Variants in SLC5A10 observed in about 807,000 individuals in gnomAD.
The protein encoded by SLC5A10 is solute carrier family 5 member 10, also known as sodium/mannose cotransporter SLC5A10.
Under a neutral mutation model 68.9 loss-of-function variants are expected in SLC5A10, and 55 were observed. That is an observed-to-expected ratio of 0.80 (90% confidence interval 0.64 to 1.00). SLC5A10 has a LOEUF of 1.00. Among genes scored for constraint, SLC5A10 ranks in the 50% least tolerant of loss-of-function variants. The probability of loss-of-function intolerance (pLI) is 0.00; values close to 1 mark genes in which losing one functional copy is unlikely to be tolerated. For synonymous variants in SLC5A10, 344 were observed against 344.8 expected, an observed-to-expected ratio of 1.00 and a Z score of 0.02; for missense variants, 732 against 819.3, an observed-to-expected ratio of 0.89 and a Z score of 1.30.
chr17:18,988,176 T>C lies in SLC5A10; in HGVS notation c.982+11187T>C, dbSNP rs1014640857. On this transcript the variant is annotated intron_variant, in intron 9 of 14. Coordinates refer to ENST00000395645, the MANE Select transcript of SLC5A10 (RefSeq NM_001042450.4). Reference sequence around the variant, plus strand: ...GACTCCGTCCAGAGCAGGCAGGTACTCGAAGTGTTTGTTGACAGACTGAAT... The same window carrying C: ...GACTCCGTCCAGAGCAGGCAGGTACCCGAAGTGTTTGTTGACAGACTGAAT... 3.8e-6 allele frequency: 6 copies of C among 1,565,014 alleles called. No homozygotes were observed. In the African/African-American group the frequency reaches 6.7e-5, roughly 18 times the overall value.
Position 18,996,275 on chromosome 17 carries a change from C to T in SLC5A10, c.983-17135C>T, listed in dbSNP as rs899241748. Among the ~76,000 whole-genome samples, 1 of 152,188 alleles carries T rather than the reference C, an allele frequency of 6.6e-6. No homozygotes were observed. The highest frequency in any genetic ancestry group is 2.1e-4 in the South Asian group (1 of 4,826). Reference sequence around the variant, plus strand: ...AGACCCGCACTCCCTCCTCCAGCTGCAACCCCCTCCTCCAGCAGCACGGTT... The same window carrying T: ...AGACCCGCACTCCCTCCTCCAGCTGTAACCCCCTCCTCCAGCAGCACGGTT... On this transcript the variant is annotated intron_variant, in intron 9 of 14. Transcript: ENST00000395645. The surrounding 1 kb of genome is among the most constrained non-coding windows in gnomAD (Gnocchi z 4.4).
At chr17:18,964,767 C>T (rs1481948167) in intron 5 of SLC5A10, among the ~76,000 whole-genome samples, 2 of 152,066 alleles carry the variant, frequency 1.3e-5, no homozygotes, top group East Asian at 1.9e-4. Context: ...TGACCAAGAG[C>T]GGAGAGGCAG....
Position 19,010,168 on chromosome 17 carries a change from C to T in SLC5A10, c.983-3242C>T, listed in dbSNP as rs548123777. ...AGAGCGTGGGCGGATTGGTGGGTTTCGAAGTTCCCTTTGCTTGCTTGCAGG... is the reference window on the plus strand; with the variant it reads ...AGAGCGTGGGCGGATTGGTGGGTTTTGAAGTTCCCTTTGCTTGCTTGCAGG... On this transcript the variant is annotated intron_variant, in intron 9 of 14. Transcript: ENST00000395645. 4.6e-5 allele frequency among the ~76,000 whole-genome samples: 7 copies of T among 151,928 alleles called. No individual in the cohort carries two copies. The South Asian group carries it at 8.3e-4, about 18-fold the overall frequency.
rs1292667177 is a variant in SLC5A10, at chr17:18,969,397, G to A, written c.615G>A (p.Val205=). Residue 205 remains valine, a synonymous_variant, in exon 7 of 15, where the codon GTG becomes GTA. Transcript: ENST00000395645. ...TDALQTLIMV[V]GAVILTIKAF... Reference sequence around the variant, plus strand: ...CCCTGCAGACGCTCATCATGGTGGTGGGGGCTGTCATCCTGACAATCAAAG... The same window carrying A: ...CCCTGCAGACGCTCATCATGGTGGTAGGGGCTGTCATCCTGACAATCAAAG... The A allele has an allele frequency of 6.2e-7, 1 of 1,613,794 alleles. No homozygotes were observed. The highest frequency in any genetic ancestry group is 1.1e-5 in the South Asian group (1 of 91,080).
intron 5 of SLC5A10, among the ~76,000 whole-genome samples, chr17:18,961,942 C>T (rs752133532): frequency 1.3e-5 from 2 of 152,338 alleles, no homozygotes; most frequent in African/African-American, 2.4e-5. Flanking sequence ...CCGCAGTCTT[C>T]GCCAGATGCC....
In SLC5A10 at chr17:19,013,424, G is replaced by T; in HGVS notation, c.997G>T (p.Val333Leu). Residue 333 changes from valine to leucine, a missense_variant, in exon 10 of 15, where the codon GTG becomes TTG. By Grantham distance (32) the Val-to-Leu change is conservative. Transcript: ENST00000395645. ...CTCTCGAACAGATGATGTGGGCTGC[G>T]TGGTGCCGTCCGAGTGCCTGCGGGC... ...RALFPDDVGC[V>L]VPSECLRACG... The T allele has an allele frequency of 1.2e-6, 2 of 1,607,030 alleles. No individual in the cohort carries two copies. The highest frequency in any genetic ancestry group is 1.7e-6 in the Non-Finnish European group (2 of 1,176,528).
chr17:18,988,604 T>C (rs926872540), intron 9 of SLC5A10, among the ~76,000 whole-genome samples: 54 of 152,228 alleles, frequency 3.5e-4, no homozygotes, highest in African/African-American at 1.3e-3. Context: ...GAAGTTCTAG[T>C]TGCAGTCCCA....
chr17:19,015,368 C>G (rs960767511), intron 11 of SLC5A10, among the ~76,000 whole-genome samples, 169 bp downstream of exon 11: 2 of 152,168 alleles, frequency 1.3e-5, no homozygotes, highest in Admixed American at 1.3e-4. Flanking sequence ...ACATTGCTCT[C>G]CTGTCCACCT....
rs1311372481 is a variant in SLC5A10 at position 19,017,939 on chromosome 17, T to C, written c.1242-1484T>C. ...TAAGAAAGCGAGGGCCTGGCTGGAG[T>C]GGCCCCAGCCCTGGCACAGAGATGC... On this transcript the variant is annotated intron_variant, in intron 11 of 14. Transcript: ENST00000395645. The surrounding 1 kb of genome is among the most constrained non-coding windows in gnomAD (Gnocchi z 5.6). The C allele has an allele frequency of 1.9e-5, 3 of 154,366 alleles. No homozygotes were observed. The highest frequency in any genetic ancestry group is 2.9e-5 in the Non-Finnish European group (2 of 69,796). 9.6% of individuals were successfully genotyped at this position (154,366 alleles called of 1,614,324 possible). A position where few individuals can be genotyped will look rare whatever the true frequency, so the allele number is the denominator to read the frequency against.
chr17:18,990,114 G>A (rs2043376759), intron 9 of SLC5A10, among the ~76,000 whole-genome samples: 1 of 152,180 alleles, frequency 6.6e-6, no homozygotes, highest in Non-Finnish European at 1.5e-5. Flanking sequence ...TCTACGACTC[G>A]CAGGGGAGGC....
rs749610829 is a variant in SLC5A10, at chr17:19,004,066, G to A, written c.983-9344G>A. On this transcript the variant is annotated intron_variant, in intron 9 of 14. Coordinates refer to ENST00000395645, the MANE Select transcript of SLC5A10 (RefSeq NM_001042450.4). This position sits in a 1 kb window ranked among gnomAD's most constrained non-coding sequence, Gnocchi z 5.4. ...TGGCGCCGCCTGCCCGGGCACTGCT[G>A]CCGGGGGTGGGTGGGCAAGGTCCAG... is the stretch of plus-strand genomic sequence containing the variant. 13 of 1,558,474 alleles carry A rather than the reference G, an allele frequency of 8.3e-6. No homozygotes were observed. The South Asian group carries it at 8.5e-5, about 10-fold the overall frequency.
At chr17:19,006,332 A>G (rs1364128326) in intron 9 of SLC5A10, among the ~76,000 whole-genome samples, 2 of 152,042 alleles carry the variant, frequency 1.3e-5, no homozygotes, top group Non-Finnish European at 2.9e-5. Context: ...CCTGGGCTCA[A>G]GCCTCAGCCT....
chr17:18,966,206 G>A (rs939575962), intron 5 of SLC5A10, among the ~76,000 whole-genome samples: 2 of 152,104 alleles, frequency 1.3e-5, no homozygotes, highest in African/African-American at 4.8e-5. Flanking sequence ...GTGAATGTGG[G>A]GCCACATCAC....
At chr17:18,960,936 G>T (rs1180481373) in intron 5 of SLC5A10, among the ~76,000 whole-genome samples, 3 of 152,172 alleles carry the variant, frequency 2.0e-5, no homozygotes, top group South Asian at 2.1e-4. Flanking sequence ...TGTTAGGACG[G>T]TTCTCGGTCT....
chr17:19,012,800 G>C (rs948896226), intron 9 of SLC5A10, among the ~76,000 whole-genome samples: 7 of 152,224 alleles, frequency 4.6e-5, no homozygotes, highest in African/African-American at 1.7e-4. Flanking sequence ...GGACCCCAGG[G>C]TTGGAGACAG....
Position 18,968,785 on chromosome 17 carries a change from C to A in SLC5A10, c.454-267C>A. On this transcript the variant is annotated intron_variant, in intron 5 of 14. Transcript: ENST00000395645. This position sits in a 1 kb window ranked among gnomAD's most constrained non-coding sequence, Gnocchi z 4.1. ...GAAGGGGCCAGATTCAATAACAACA[C>A]TGCTTTTGGGAAAGGCATTGGCCAC... 1 of 494,544 alleles carries A rather than the reference C, an allele frequency of 2.0e-6. No homozygotes were observed. The highest frequency in any genetic ancestry group is 3.6e-6 in the Non-Finnish European group (1 of 278,532). The allele number at this position is 494,544 out of a possible 1,614,324, so 30.6% of individuals were successfully genotyped here. A position where few individuals can be genotyped will look rare whatever the true frequency, so the allele number is the denominator to read the frequency against.
At chr17:19,010,317 G>A (rs2043987436) in intron 9 of SLC5A10, among the ~76,000 whole-genome samples, 1 of 152,162 alleles carries the variant, frequency 6.6e-6, no homozygotes, top group African/African-American at 2.4e-5. Context: ...GGCTTCTGGT[G>A]TGGGCCTTGG....
rs745783630 is a variant in SLC5A10 at position 18,971,026 on chromosome 17, C to A, written c.654C>A (p.Ile218=). 2.5e-6 allele frequency: 4 copies of A among 1,613,806 alleles called. 1 individual carries two copies. The South Asian group carries it at 3.3e-5, about 13-fold the overall frequency. Residue 218 remains isoleucine, a synonymous_variant, in exon 8 of 15, where the codon ATC becomes ATA. Transcript: ENST00000395645. The surrounding 1 kb of genome is among the most constrained non-coding windows in gnomAD (Gnocchi z 5.5). ...VILTIKAFDQ[I]GGYGQLEAAY... is the part of the protein sequence containing the mutation. Reference sequence around the variant, plus strand: ...TGACCCCTCCAGCTTTTGACCAGATCGGTGGTTACGGGCAGCTGGAGGCAG... The same window carrying A: ...TGACCCCTCCAGCTTTTGACCAGATAGGTGGTTACGGGCAGCTGGAGGCAG...
At chr17:18,989,985 G>C (rs2043372484) in intron 9 of SLC5A10, among the ~76,000 whole-genome samples, 1 of 152,200 alleles carries the variant, frequency 6.6e-6, no homozygotes, top group South Asian at 2.1e-4. Context: ...GGACCAGCTG[G>C]GACTCCCAGA....
Sources: gnomAD v4.1 joint callset for allele counts (sites outside exome capture counted in the v4.1 genomes callset) on GRCh38, gnomAD v4.1.1 for gene constraint, Gnocchi (gnomAD v3.1) non-coding constraint, MANE v1.5 for transcripts, NCBI Gene and HGNC (gene_info 2026-07-23, HGNC 2026-07-21) for gene names.